The following CSMD1 variants were observed in gnomAD, a reference collection of about 807,000 sequenced individuals.
CSMD1 encodes the protein CUB and Sushi multiple domains 1.
In CSMD1, 213 loss-of-function variants were observed where a neutral mutation model predicts 417.5. The ratio of observed to expected loss-of-function variants is 0.51; its 90% CI spans 0.46 to 0.57. The LOEUF is 0.57. CSMD1 is among the 20% of genes least tolerant of loss of function. The pLI, the probability that CSMD1 is intolerant of heterozygous loss-of-function variation, is 0.00. For synonymous variants in CSMD1, 2,862 were observed against 1,736.8 expected, an observed-to-expected ratio of 1.65 and a Z score of -16.11; for missense variants, 6,923 against 4,529.7, an observed-to-expected ratio of 1.53 and a Z score of -15.17.
At chr8:3,450,794 T>C (rs1030465464) in intron 12 of CSMD1, among the ~76,000 whole-genome samples, 5 of 152,022 alleles carry the variant, frequency 3.3e-5, no homozygotes, top group African/African-American at 1.2e-4. Context: ...TGTGTCTTTA[T>C]AGCAGCATGA....
rs534000507 is a variant in CSMD1 at position 3,520,166 on chromosome 8, G to A, written c.1345-26440C>T. On this transcript the variant is annotated intron_variant, in intron 10 of 69. Transcript: ENST00000635120. The stretch of plus-strand genomic sequence containing the variant: ...GAATTACTGTTAAGAAACCAGAACC[G>A]AGAAGAAGAGAATTTCACTTAAATT... 9.2e-5 allele frequency among the ~76,000 whole-genome samples: 14 copies of A among 151,830 alleles called. No homozygotes were observed. In the South Asian group the frequency reaches 2.3e-3, roughly 25 times the overall value.
intron 2 of CSMD1, among the ~76,000 whole-genome samples, chr8:4,569,265 T>C (rs1261758717): frequency 6.6e-6 from 1 of 152,236 alleles, no homozygotes; most frequent in African/African-American, 2.4e-5. Flanking sequence ...TCTAGGGTTT[T>C]TATGGTTTTA....
intron 10 of CSMD1, chr8:3,515,287 T>A (rs1418851441): frequency 6.6e-6 from 1 of 152,152 alleles, no homozygotes. Flanking sequence ...GAGTATGTGG[T>A]GTAAATAATG....
At chr8:4,314,414 G>A (rs1003794289) in intron 3 of CSMD1, among the ~76,000 whole-genome samples, 2 of 152,132 alleles carry the variant, frequency 1.3e-5, no homozygotes, top group African/African-American at 4.8e-5. Context: ...AGAAATAAGT[G>A]TTCTATTTCA....
At chr8:3,312,652 T>C (rs905035828) in intron 23 of CSMD1, among the ~76,000 whole-genome samples, 1 of 152,186 alleles carries the variant, frequency 6.6e-6, no homozygotes, top group African/African-American at 2.4e-5. Flanking sequence ...CTTGAAGGAC[T>C]AGAGAAACAT....
chr8:3,902,387 G>A (rs1443825158), intron 5 of CSMD1, among the ~76,000 whole-genome samples: 2 of 152,228 alleles, frequency 1.3e-5, no homozygotes, highest in East Asian at 1.9e-4. Flanking sequence ...GAGGCAAATT[G>A]TTGGATCTTC....
intron 1 of CSMD1, among the ~76,000 whole-genome samples, chr8:4,704,743 T>G (rs1309705633): frequency 6.6e-6 from 1 of 152,192 alleles, no homozygotes; most frequent in Non-Finnish European, 1.5e-5. Flanking sequence ...TCAAATGTTC[T>G]GGATATGTGT....
chr8:4,565,174 G>A (rs764925607), intron 2 of CSMD1, among the ~76,000 whole-genome samples: 71 of 152,110 alleles, frequency 4.7e-4, no homozygotes, highest in Non-Finnish European at 4.1e-4. Context: ...TTCCAATGAT[G>A]AAAAACAATA....
chr8:3,602,918 T>A (rs1392934007), intron 8 of CSMD1, among the ~76,000 whole-genome samples: 1 of 152,210 alleles, frequency 6.6e-6, no homozygotes, highest in African/African-American at 2.4e-5. Flanking sequence ...ATCACCTATT[T>A]TCTCAGAAGA....
intron 2 of CSMD1, among the ~76,000 whole-genome samples, chr8:4,470,649 G>T (rs1310508048): frequency 1.3e-5 from 2 of 152,160 alleles, no homozygotes; most frequent in Admixed American, 6.5e-5. Flanking sequence ...TTTCAACAGT[G>T]AGATTTCTAA....
At chr8:3,754,298 G>A (rs1045833406) in intron 5 of CSMD1, among the ~76,000 whole-genome samples, 44 of 152,142 alleles carry the variant, frequency 2.9e-4, no homozygotes, top group African/African-American at 1.0e-3. Flanking sequence ...TATTAATGGT[G>A]AATGCAGGAG....
intron 3 of CSMD1, among the ~76,000 whole-genome samples, chr8:4,128,817 T>C (rs1438776229): frequency 6.6e-6 from 1 of 151,996 alleles, no homozygotes; most frequent in Non-Finnish European, 1.5e-5. Flanking sequence ...GCAAGTAGGG[T>C]AAGTTTCGGG....
intron 3 of CSMD1, among the ~76,000 whole-genome samples, chr8:4,357,448 C>G (rs1801494707): frequency 6.6e-6 from 1 of 152,160 alleles, no homozygotes; most frequent in Non-Finnish European, 1.5e-5. Flanking sequence ...TTTATCACCT[C>G]CAAGATACTT....
At chr8:4,767,795 C>G (rs1376607018) in intron 1 of CSMD1, among the ~76,000 whole-genome samples, 1 of 152,112 alleles carries the variant, frequency 6.6e-6, no homozygotes, top group Non-Finnish European at 1.5e-5. Context: ...GGTTGGTGTT[C>G]CCAAACACTT....
At chr8:4,980,566 T>C (rs908045970) in intron 1 of CSMD1, among the ~76,000 whole-genome samples, 1 of 152,134 alleles carries the variant, frequency 6.6e-6, no homozygotes, top group Non-Finnish European at 1.5e-5. Context: ...CAAAAATAAA[T>C]GAGAGACTTG....
chr8:4,439,977 T>C (rs950875389), intron 2 of CSMD1, among the ~76,000 whole-genome samples: 1 of 152,154 alleles, frequency 6.6e-6, no homozygotes, highest in African/African-American at 2.4e-5. Context: ...GCCTGCACAC[T>C]TCACCAGCCT....
In CSMD1 at chr8:3,367,046, T is replaced by A; in HGVS notation, c.3101A>T (p.Asn1034Ile). The A allele has an allele frequency of 1.2e-6, 2 of 1,613,240 alleles. No individual in the cohort carries two copies. Among genetic ancestry groups the A allele is most frequent in the Non-Finnish European group, 1.7e-6 (2 of 1,179,438 alleles). Reference sequence around the variant, plus strand: ...GACCAACATACCTGAAAATGTGATATTGAAGCCCTCGTACGAAATTGAGAA... The same window carrying A: ...GACCAACATACCTGAAAATGTGATAATGAAGCCCTCGTACGAAATTGAGAA... ...SDFSISYEGF[N>I]ITFSEYDLEP... Residue 1034 changes from asparagine to isoleucine, a missense_variant, in exon 20 of 70, where the codon AAT (asparagine) becomes ATT (isoleucine). Physicochemically the swap from Asn to Ile is moderately radical, Grantham distance 149. Transcript: ENST00000635120.
chr8:4,885,052 G>A (rs949150917), intron 1 of CSMD1, among the ~76,000 whole-genome samples: 1 of 151,834 alleles, frequency 6.6e-6, no homozygotes, highest in African/African-American at 2.4e-5. Context: ...GTATAAATTT[G>A]AACTTCTTTG....
chr8:4,173,226 T>C (rs995951875), intron 3 of CSMD1, among the ~76,000 whole-genome samples: 1 of 152,202 alleles, frequency 6.6e-6, no homozygotes, highest in African/African-American at 2.4e-5. Context: ...AATAACTCTT[T>C]AATGCAAGCT....
Sources: gnomAD v4.1 joint callset for allele counts (sites outside exome capture counted in the v4.1 genomes callset) on GRCh38, gnomAD v4.1.1 for gene constraint, MANE v1.5 for transcripts, NCBI Gene and HGNC (gene_info 2026-07-23, HGNC 2026-07-21) for gene names.